The following GPHN variants were observed in gnomAD, a reference collection of about 807,000 sequenced individuals.
GPHN encodes gephyrin.
Under a neutral mutation model 95.5 loss-of-function variants are expected in GPHN, and 17 were observed. The ratio of observed to expected loss-of-function variants is 0.18; its 90% CI spans 0.12 to 0.27. The LOEUF (loss-of-function observed/expected upper bound fraction) is 0.27, where lower values mean the gene tolerates loss of function less well. Among genes scored for constraint, GPHN ranks in the 10% least tolerant of loss-of-function variants. The probability of loss-of-function intolerance (pLI) is 1.00; values close to 1 mark genes in which losing one functional copy is unlikely to be tolerated. For synonymous variants in GPHN, 320 were observed against 322.5 expected (o/e 0.99, Z 0.08); for missense variants, 660 against 978.1 (o/e 0.67, Z 4.34).
chr14:67,408,295 TAAATA>T, the GPHN span, among the ~76,000 whole-genome samples: 5,571 of 116,644 alleles, frequency 0.048, 219 homozygotes, highest in African/African-American at 0.11. Context: ...TCAAAATAAA[TAAATA>T]AAATAAAATA....
the GPHN span, among the ~76,000 whole-genome samples, chr14:67,389,255 G>GT: frequency 1.3e-5 from 2 of 152,052 alleles, no homozygotes; most frequent in African/African-American, 4.8e-5. Context: ...ACTACTAAAT[G>GT]CCAACGGGAG....
intron 2 of GPHN, among the ~76,000 whole-genome samples, chr14:66,768,591 A>T (rs1402665577): frequency 6.6e-6 from 1 of 152,010 alleles, no homozygotes; most frequent in Non-Finnish European, 1.5e-5. Flanking sequence ...AATTATAAAC[A>T]TACATGTACC....
At chr14:67,124,649 C>T (rs2079194178) in intron 17 of GPHN, among the ~76,000 whole-genome samples, 1 of 152,116 alleles carries the variant, frequency 6.6e-6, no homozygotes, top group South Asian at 2.1e-4. Flanking sequence ...GGAACAAACA[C>T]CAGATTCTTA....
chr14:66,767,036 T>C (rs941318427), intron 2 of GPHN, among the ~76,000 whole-genome samples: 1 of 152,122 alleles, frequency 6.6e-6, no homozygotes. Flanking sequence ...CCTTTGTCTT[T>C]ATAAGTAGAG....
chr14:67,131,040 A>C (rs2079669538), intron 17 of GPHN, among the ~76,000 whole-genome samples: 2 of 152,122 alleles, frequency 1.3e-5, no homozygotes, highest in South Asian at 2.1e-4. Context: ...AGCCTCCTTT[A>C]GTCCTCCTAG....
intron 2 of GPHN, among the ~76,000 whole-genome samples, chr14:66,703,674 T>G (rs958860944): frequency 7.4e-5 from 8 of 107,698 alleles, no homozygotes; most frequent in African/African-American, 4.7e-4. Context: ...TATCAGCCAC[T>G]GCACAAACAC....
the GPHN span, chr14:67,620,982 T>A: frequency 6.2e-7 from 1 of 1,613,040 alleles, no homozygotes; most frequent in East Asian, 2.2e-5. Flanking sequence ...TGGTTAGATT[T>A]TTAGATATTA....
At chr14:67,472,558 G>C in the GPHN span, 5 of 152,368 alleles carry the variant, frequency 3.3e-5, no homozygotes, top group African/African-American at 1.2e-4. Context: ...AACTCCCCAG[G>C]CATCAGGCCA....
chr14:66,895,633 T>C (rs1053474972), intron 5 of GPHN, among the ~76,000 whole-genome samples: 5 of 152,012 alleles, frequency 3.3e-5, no homozygotes, highest in African/African-American at 1.2e-4. Flanking sequence ...TGAAAGAAAA[T>C]AACATTTAAT....
chr14:66,530,075 C>T (rs1389391948), intron 1 of GPHN, among the ~76,000 whole-genome samples: 1 of 152,136 alleles, frequency 6.6e-6, no homozygotes, highest in Admixed American at 6.5e-5. Flanking sequence ...GTACTCTGTC[C>T]CAGGGCGATG....
At chr14:67,505,564 T>C in the GPHN span, among the ~76,000 whole-genome samples, 1 of 152,120 alleles carries the variant, frequency 6.6e-6, no homozygotes, top group Non-Finnish European at 1.5e-5. Context: ...TGCACTAATG[T>C]GGGCTGGCAT....
chr14:67,640,561 C>T, the GPHN span, among the ~76,000 whole-genome samples: 4 of 152,226 alleles, frequency 2.6e-5, no homozygotes, highest in Admixed American at 2.0e-4. Flanking sequence ...AATTTAAATT[C>T]ATGATGAGTC....
chr14:67,101,443 T>G (rs2077692071), intron 13 of GPHN, among the ~76,000 whole-genome samples: 1 of 151,968 alleles, frequency 6.6e-6, no homozygotes, highest in Admixed American at 6.6e-5. Context: ...ATTGGCCACT[T>G]AATTGAAAAA....
chr14:66,952,578 A>T (rs905106579), intron 8 of GPHN, among the ~76,000 whole-genome samples: 2 of 152,208 alleles, frequency 1.3e-5, no homozygotes, highest in Non-Finnish European at 2.9e-5. Context: ...TGATAATTCT[A>T]TGTTAACTTT....
intron 1 of GPHN, among the ~76,000 whole-genome samples, chr14:66,553,837 A>T (rs1283553374): frequency 6.6e-5 from 10 of 152,202 alleles, no homozygotes; most frequent in Non-Finnish European, 4.4e-5. Context: ...GGCTTCCCAA[A>T]GTGCTGGGAT....
At chr14:67,355,012 A>G in the GPHN span, among the ~76,000 whole-genome samples, 1 of 151,974 alleles carries the variant, frequency 6.6e-6, no homozygotes, top group Non-Finnish European at 1.5e-5. Flanking sequence ...AGGTTTCTCC[A>G]TGTTGGTCAG....
At chr14:67,656,596 G>T in the GPHN span, 44 of 1,591,968 alleles carry the variant, frequency 2.8e-5, 1 homozygote, top group Non-Finnish European at 3.6e-5. Flanking sequence ...GATTCTGAAA[G>T]AAGTATGGAA....
chr14:67,475,416 A>C, the GPHN span, among the ~76,000 whole-genome samples: 1 of 152,178 alleles, frequency 6.6e-6, no homozygotes, highest in Non-Finnish European at 1.5e-5. Flanking sequence ...AGAAGTGGAA[A>C]TACTGGATCA....
intron 1 of GPHN, among the ~76,000 whole-genome samples, chr14:66,629,484 T>A (rs1407407724): frequency 6.6e-6 from 1 of 152,014 alleles, no homozygotes; most frequent in Non-Finnish European, 1.5e-5. Flanking sequence ...CTGAAGGAAC[T>A]GCCTGAGGCT....
Sources: allele counts gnomAD v4.1 joint callset (sites outside exome capture counted in the v4.1 genomes callset), GRCh38; gene constraint gnomAD v4.1.1; transcripts MANE v1.5; gene names NCBI Gene and HGNC (gene_info 2026-07-23, HGNC 2026-07-21).